The following STAG1 variants were observed in gnomAD, a reference collection of about 807,000 sequenced individuals.
STAG1 encodes the protein cohesin subunit SA-1.
Under a neutral mutation model 170.9 loss-of-function variants are expected in STAG1, and 26 were observed. The observed-to-expected ratio is 0.15, with a 90% CI of 0.11 to 0.21. The LOEUF (loss-of-function observed/expected upper bound fraction) is 0.21, where lower values mean the gene tolerates loss of function less well. Among genes scored for constraint, STAG1 ranks in the 10% least tolerant of loss-of-function variants. STAG1 has a pLI of 1.00. For missense variants in STAG1, 964 were observed against 1,509.5 expected, an observed-to-expected ratio of 0.64 and a Z score of 5.99; for synonymous variants, 514 against 497.7, an observed-to-expected ratio of 1.03 and a Z score of -0.44.
At chr3:136,658,817 C>T (rs986760570) in intron 1 of STAG1, among the ~76,000 whole-genome samples, 6 of 152,082 alleles carry the variant, frequency 3.9e-5, no homozygotes, top group African/African-American at 1.4e-4. Context: ...TGTTACTGTG[C>T]CATTTTCCAT....
At chr3:136,725,217 T>C (rs1933590751) in intron 1 of STAG1, among the ~76,000 whole-genome samples, 1 of 152,096 alleles carries the variant, frequency 6.6e-6, no homozygotes, top group Admixed American at 6.6e-5. Context: ...AGCAAATGAG[T>C]CACTCTATAC....
intron 26 of STAG1, among the ~76,000 whole-genome samples, chr3:136,360,597 G>C (rs1370849774): frequency 2.0e-5 from 3 of 152,156 alleles, no homozygotes; most frequent in Admixed American, 2.0e-4. Flanking sequence ...AGATTGGCCT[G>C]AACTACTTGC....
intron 14 of STAG1, among the ~76,000 whole-genome samples, chr3:136,449,006 C>T (rs909446262): frequency 2.0e-5 from 3 of 152,054 alleles, no homozygotes; most frequent in Admixed American, 6.6e-5. Flanking sequence ...CAAAATTTTA[C>T]CAATTAAAGT....
chr3:136,739,267 C>T (rs1431236499), intron 1 of STAG1, among the ~76,000 whole-genome samples: 1 of 150,260 alleles, frequency 6.7e-6, no homozygotes, highest in African/African-American at 2.5e-5. Flanking sequence ...ACTATAATCC[C>T]AGCATTTTGG....
At chr3:136,411,707 T>G (rs1293620408) in intron 21 of STAG1, among the ~76,000 whole-genome samples, 1 of 152,074 alleles carries the variant, frequency 6.6e-6, no homozygotes, top group Non-Finnish European at 1.5e-5. Context: ...TCCCAGCACT[T>G]TGGGAGGCCA....
intron 10 of STAG1, among the ~76,000 whole-genome samples, chr3:136,476,325 G>T (rs1328240792): frequency 2.0e-5 from 3 of 152,302 alleles, no homozygotes; most frequent in Non-Finnish European, 4.4e-5. Flanking sequence ...GAGATGTGAA[G>T]ATCCCAGAAG....
intron 1 of STAG1, among the ~76,000 whole-genome samples, chr3:136,699,507 C>T (rs1336114482): frequency 6.6e-6 from 1 of 152,020 alleles, no homozygotes; most frequent in African/African-American, 2.4e-5. Flanking sequence ...CCTCCCACCT[C>T]AGATTTACAA....
chr3:136,684,986 G>T (rs916573334), intron 1 of STAG1, among the ~76,000 whole-genome samples: 1 of 152,038 alleles, frequency 6.6e-6, no homozygotes, highest in African/African-American at 2.4e-5. Context: ...TACAATCAAT[G>T]AAAGAAATAA....
At chr3:136,367,480 C>G (rs913474534) in intron 24 of STAG1, among the ~76,000 whole-genome samples, 1 of 152,026 alleles carries the variant, frequency 6.6e-6, no homozygotes, top group African/African-American at 2.4e-5. Flanking sequence ...ATCAATCCCC[C>G]ACAATACTGA....
chr3:136,523,018 G>T (rs111836328), intron 6 of STAG1, among the ~76,000 whole-genome samples: 1 of 152,020 alleles, frequency 6.6e-6, no homozygotes, highest in Non-Finnish European at 1.5e-5. Flanking sequence ...GAATAGTGCC[G>T]CAATAAACAT....
At chr3:136,645,000 G>T (rs1003119081) in intron 1 of STAG1, among the ~76,000 whole-genome samples, 2 of 152,080 alleles carry the variant, frequency 1.3e-5, no homozygotes, top group African/African-American at 4.8e-5. Flanking sequence ...GAAGTGCTGG[G>T]ATTACAGGTG....
chr3:136,576,157 T>C (rs1937448436), intron 4 of STAG1, among the ~76,000 whole-genome samples: 1 of 152,232 alleles, frequency 6.6e-6, no homozygotes, highest in South Asian at 2.1e-4. Context: ...TAGAATGAAA[T>C]GTAACTAGTA....
chr3:136,535,471 T>C (rs964632758), intron 6 of STAG1, among the ~76,000 whole-genome samples: 8 of 152,208 alleles, frequency 5.3e-5, no homozygotes, highest in Non-Finnish European at 1.0e-4. Flanking sequence ...AAGACCAGCC[T>C]GGCCAACATG....
chr3:136,651,025 A>G (rs1941199894), intron 1 of STAG1, among the ~76,000 whole-genome samples: 1 of 152,116 alleles, frequency 6.6e-6, no homozygotes, highest in African/African-American at 2.4e-5. Flanking sequence ...AGGGAAGATG[A>G]CAATGGATCG....
chr3:136,584,586 T>A (rs1044396193), intron 4 of STAG1, among the ~76,000 whole-genome samples: 2 of 152,148 alleles, frequency 1.3e-5, no homozygotes, highest in African/African-American at 4.8e-5. Flanking sequence ...GTGTTCTCTA[T>A]CCTAATTTGA....
intron 21 of STAG1, among the ~76,000 whole-genome samples, chr3:136,414,325 A>C (rs1338984611): frequency 3.9e-5 from 6 of 152,198 alleles, no homozygotes; most frequent in Non-Finnish European, 7.3e-5. Flanking sequence ...AAGTTTATGT[A>C]ATATCCTAAA....
intron 7 of STAG1, among the ~76,000 whole-genome samples, chr3:136,513,536 AC>A (rs1172304922): frequency 2.6e-5 from 4 of 152,170 alleles, no homozygotes; most frequent in African/African-American, 9.7e-5. Flanking sequence ...TCAGTAACAA[AC>A]AAAAAAATCT....
chr3:136,375,773 A>G (rs1234102175), intron 23 of STAG1, among the ~76,000 whole-genome samples: 2 of 151,656 alleles, frequency 1.3e-5, no homozygotes, highest in African/African-American at 4.8e-5. Flanking sequence ...GTTTGAGACC[A>G]GCCTGGCCAA....
At chr3:136,424,278 A>C (rs943879682) in intron 16 of STAG1, among the ~76,000 whole-genome samples, 5 of 152,022 alleles carry the variant, frequency 3.3e-5, no homozygotes, top group African/African-American at 1.2e-4. Context: ...AATGTATGAA[A>C]CATCTAAGGA....
Sources: gnomAD v4.1 joint callset for allele counts (sites outside exome capture counted in the v4.1 genomes callset) on GRCh38, gnomAD v4.1.1 for gene constraint, MANE v1.5 for transcripts, NCBI Gene and HGNC (gene_info 2026-07-23, HGNC 2026-07-21) for gene names.